The following RBPJ variants were observed in gnomAD, a reference collection of about 807,000 sequenced individuals.
RBPJ encodes recombination signal binding protein for immunoglobulin kappa J region, also known as recombining binding protein suppressor of hairless.
Under a neutral mutation model 67.8 loss-of-function variants are expected in RBPJ, and 9 were observed. That is an observed-to-expected ratio of 0.13 (90% CI 0.08 to 0.23). The LOEUF (loss-of-function observed/expected upper bound fraction) is 0.23, where lower values mean the gene tolerates loss of function less well. Among genes scored for constraint, RBPJ ranks in the 10% least tolerant of loss-of-function variants. RBPJ has a pLI of 1.00. For missense variants in RBPJ, 305 were observed against 595.6 expected, an observed-to-expected ratio of 0.51 and a Z score of 5.08; for synonymous variants, 198 against 203.3, an observed-to-expected ratio of 0.97 and a Z score of 0.22.
intron 1 of RBPJ, among the ~76,000 whole-genome samples, chr4:26,366,390 G>A (rs1254349894): frequency 6.6e-6 from 1 of 151,990 alleles, no homozygotes; most frequent in Admixed American, 6.6e-5. Flanking sequence ...ATGTGTATGT[G>A]TTTGTTTGCC....
intron 1 of RBPJ, among the ~76,000 whole-genome samples, chr4:26,217,676 G>A (rs1718763671): frequency 6.6e-6 from 1 of 152,038 alleles, no homozygotes; most frequent in African/African-American, 2.4e-5. Flanking sequence ...AACCCAAAGT[G>A]GGTGGAAATG....
intron 2 of RBPJ, among the ~76,000 whole-genome samples, chr4:26,401,581 T>C (rs1419360407): frequency 1.3e-5 from 2 of 152,228 alleles, no homozygotes; most frequent in African/African-American, 4.8e-5. Flanking sequence ...TGTCCTGTTT[T>C]ACCCGAGTTG....
At chr4:26,132,373 A>G in the RBPJ span, among the ~76,000 whole-genome samples, 1 of 152,110 alleles carries the variant, frequency 6.6e-6, no homozygotes, top group African/African-American at 2.4e-5. Context: ...TTGGACCTTG[A>G]GCCTAATTAG....
intron 1 of RBPJ, among the ~76,000 whole-genome samples, chr4:26,274,732 T>C (rs1438270399): frequency 6.6e-6 from 1 of 152,070 alleles, no homozygotes; most frequent in African/African-American, 2.4e-5. Context: ...GACCAGGAGT[T>C]CAAGACCAGC....
At chr4:26,377,964 T>G (rs1729928283) in intron 1 of RBPJ, among the ~76,000 whole-genome samples, 1 of 152,142 alleles carries the variant, frequency 6.6e-6, no homozygotes, top group South Asian at 2.1e-4. Flanking sequence ...AATAATCACG[T>G]GTAGGGTGTG....
rs1718371547 is a variant in RBPJ, at chr4:26,210,727, C to CTTTACTTCTTTA, written c.-167+47113_-167+47114insTTTACTTCTTTA. On this transcript the variant is annotated intron_variant, in intron 1 of 4. Transcript: ENST00000512351. ...TCTTTCCTTCTTTCCTTCTTTCTTT[C>CTTTACTTCTTTA]CTTCTTTACTTCTTTCCTTCTTTCC... 2.3e-4 allele frequency among the ~76,000 whole-genome samples: 14 copies of CTTTACTTCTTTA among 61,774 alleles called. 1 individual carries two copies. The highest frequency in any genetic ancestry group is 3.7e-4 in the Non-Finnish European group (11 of 30,104). 40.5% of individuals were successfully genotyped at this position (61,774 alleles called of 152,430 possible).
chr4:26,344,530 C>T (rs1360137339), intron 1 of RBPJ, among the ~76,000 whole-genome samples: 5 of 152,164 alleles, frequency 3.3e-5, no homozygotes, highest in African/African-American at 7.2e-5. Context: ...CCACCGCGCC[C>T]GGCTGCTAAC....
chr4:26,202,286 T>C (rs1037348890), intron 1 of RBPJ, among the ~76,000 whole-genome samples: 2 of 151,816 alleles, frequency 1.3e-5, no homozygotes, highest in Non-Finnish European at 2.9e-5. Context: ...TGCTGTGGAT[T>C]GAATGTGGGA....
intron 3 of RBPJ, among the ~76,000 whole-genome samples, chr4:26,406,777 A>G (rs1733462632): frequency 1.3e-5 from 2 of 152,370 alleles, no homozygotes; most frequent in African/African-American, 2.4e-5. Context: ...TAAGAAAGCA[A>G]TAACATTTCC....
chr4:26,126,436 C>T, the RBPJ span, among the ~76,000 whole-genome samples: 1 of 152,252 alleles, frequency 6.6e-6, no homozygotes, highest in Non-Finnish European at 1.5e-5. Context: ...AGATACTCCT[C>T]TCTCTTTCCC....
chr4:26,361,896 G>T (rs543269822), intron 1 of RBPJ, among the ~76,000 whole-genome samples: 1 of 152,136 alleles, frequency 6.6e-6, no homozygotes, highest in South Asian at 2.1e-4. Context: ...AGAGAATGGC[G>T]GTAAAACTTG....
At chr4:26,196,724 C>A (rs962096632) in intron 1 of RBPJ, among the ~76,000 whole-genome samples, 1 of 151,972 alleles carries the variant, frequency 6.6e-6, no homozygotes, top group Non-Finnish European at 1.5e-5. Context: ...AGCCACATAC[C>A]CACTGTTGAG....
the RBPJ span, among the ~76,000 whole-genome samples, chr4:26,131,403 G>C: frequency 1.3e-5 from 2 of 152,188 alleles, no homozygotes; most frequent in African/African-American, 4.8e-5. Context: ...GTCAGAATAA[G>C]TATTCAGAAA....
intron 1 of RBPJ, among the ~76,000 whole-genome samples, chr4:26,281,926 C>T (rs551832106): frequency 6.0e-4 from 91 of 152,290 alleles, no homozygotes; most frequent in African/African-American, 2.2e-3. Flanking sequence ...ATATAACACT[C>T]CTATTCTATT....
At chr4:26,384,979 C>G (rs1360317030) in intron 1 of RBPJ, among the ~76,000 whole-genome samples, 1 of 71,074 alleles carries the variant, frequency 1.4e-5, no homozygotes, top group African/African-American at 5.9e-5. Context: ...CCTCCCCTCT[C>G]TCCTCCCCTC....
intron 1 of RBPJ, among the ~76,000 whole-genome samples, chr4:26,254,219 C>T (rs1432786874): frequency 6.7e-6 from 1 of 148,716 alleles, no homozygotes; most frequent in Non-Finnish European, 1.5e-5. Context: ...TGTCACAGCC[C>T]GCTGAAAACT....
intron 1 of RBPJ, among the ~76,000 whole-genome samples, chr4:26,307,328 T>C (rs1722271777): frequency 6.6e-6 from 1 of 152,258 alleles, no homozygotes; most frequent in South Asian, 2.1e-4. Flanking sequence ...TACAACCTTT[T>C]GAAAACCCTC....
intron 5 of RBPJ, among the ~76,000 whole-genome samples, chr4:26,421,004 TG>T (rs1196162275): frequency 1.3e-5 from 2 of 152,160 alleles, no homozygotes; most frequent in African/African-American, 4.8e-5. Context: ...GGGGTGATGT[TG>T]GCTTTGGGTG....
the RBPJ span, among the ~76,000 whole-genome samples, chr4:26,147,207 A>T: frequency 6.6e-6 from 1 of 152,220 alleles, no homozygotes; most frequent in Non-Finnish European, 1.5e-5. Flanking sequence ...TGGCTTGTTT[A>T]GCAGAAAGAC....
Sources: gnomAD v4.1 joint callset for allele counts (sites outside exome capture counted in the v4.1 genomes callset) on GRCh38, gnomAD v4.1.1 for gene constraint, MANE v1.5 for transcripts, NCBI Gene and HGNC (gene_info 2026-07-23, HGNC 2026-07-21) for gene names.